The following PDZD2 variants were observed in gnomAD, a reference collection of about 807,000 sequenced individuals.
PDZD2 encodes the protein PDZ domain containing 2.
A neutral mutation model predicts 220.7 loss-of-function variants in PDZD2; 90 were observed. The ratio of observed to expected loss-of-function variants is 0.41; its 90% confidence interval spans 0.34 to 0.49. The LOEUF (loss-of-function observed/expected upper bound fraction) is 0.49. PDZD2 is among the 20% of genes least tolerant of loss of function. The pLI is 0.28. For synonymous variants in PDZD2, 1,375 were observed against 1,450.5 expected, an observed-to-expected ratio of 0.95 and a Z score of 1.18; for missense variants, 3,174 against 3,608.5, an observed-to-expected ratio of 0.88 and a Z score of 3.08.
intron 1 of PDZD2, among the ~76,000 whole-genome samples, chr5:31,682,265 C>T (rs937653309): frequency 6.6e-6 from 1 of 152,072 alleles, no homozygotes. Flanking sequence ...TGGACACTCT[C>T]GTGTCTGTGG....
intron 8 of PDZD2, among the ~76,000 whole-genome samples, chr5:32,050,478 C>A (rs1192043440): frequency 6.6e-6 from 1 of 151,968 alleles, no homozygotes; most frequent in Admixed American, 6.6e-5. Flanking sequence ...ATTTTCTGCC[C>A]TTTTTCTCCC....
chr5:31,946,891 A>G (rs962082449), intron 2 of PDZD2, among the ~76,000 whole-genome samples: 6 of 152,190 alleles, frequency 3.9e-5, no homozygotes, highest in African/African-American at 1.2e-4. Flanking sequence ...TTGTAGAGAC[A>G]TGGGTCTTAA....
intron 1 of PDZD2, among the ~76,000 whole-genome samples, chr5:31,722,586 C>G (rs1283578560): frequency 6.6e-6 from 1 of 152,102 alleles, no homozygotes; most frequent in Non-Finnish European, 1.5e-5. Flanking sequence ...TATAAAAATG[C>G]CTTTTTAGAA....
At chr5:31,869,424 G>A (rs4380678) in intron 2 of PDZD2, among the ~76,000 whole-genome samples, 85,904 of 151,996 alleles carry the variant, frequency 0.57, 25,420 homozygotes, top group East Asian at 0.85. Context: ...TTAGCCGGGC[G>A]TGGTGGCGGG....
intron 2 of PDZD2, among the ~76,000 whole-genome samples, chr5:31,825,660 G>C (rs957257331): frequency 5.3e-5 from 8 of 152,168 alleles, no homozygotes; most frequent in Admixed American, 1.3e-4. Flanking sequence ...TGTCAGCACA[G>C]TTGAATTCCC....
At position 31,748,607 on chromosome 5, in the gene PDZD2, A is replaced by G. The variant is rs144266980; in HGVS notation, c.-360-50282A>G. Among the ~76,000 whole-genome samples the G allele has an allele frequency of 8.7e-3, 1,321 of 152,324 alleles. 18 individuals carry two copies. The highest frequency in any genetic ancestry group is 0.03 in the African/African-American group (1,237 of 41,578). On this transcript the variant is annotated intron_variant, in intron 1 of 24. Transcript: ENST00000438447. ...CTCTCCTGCTGCCTGCCTTCTGGCC[A>G]TCCTTCTGGGAAAGGCTGTTCCCTG...
intron 2 of PDZD2, among the ~76,000 whole-genome samples, chr5:31,891,262 G>A (rs1741014050): frequency 6.7e-6 from 1 of 150,230 alleles, no homozygotes; most frequent in Non-Finnish European, 1.5e-5. Flanking sequence ...TCAGCCTCCT[G>A]AGTAGCTGGG....
intron 1 of PDZD2, among the ~76,000 whole-genome samples, chr5:31,776,875 T>A (rs914593977): frequency 6.6e-6 from 1 of 151,728 alleles, no homozygotes; most frequent in Non-Finnish European, 1.5e-5. Flanking sequence ...GCCAGGCTGG[T>A]CTTGAATCCC....
chr5:31,833,836 C>T (rs964411781), intron 2 of PDZD2, among the ~76,000 whole-genome samples: 1 of 152,174 alleles, frequency 6.6e-6, no homozygotes, highest in Admixed American at 6.5e-5. Context: ...GACCTAGGCT[C>T]CGACTCCCCT....
chr5:31,779,373 C>CTTT lies in PDZD2; in HGVS notation c.-360-19498_-360-19496dup, dbSNP rs58290929. Among the ~76,000 whole-genome samples, 368 of 106,630 alleles carry CTTT rather than the reference C, an allele frequency of 3.5e-3. 12 individuals carry two copies. Among genetic ancestry groups the CTTT allele is most frequent in the Middle Eastern group, 6.0e-3 (1 of 168 alleles). 70.0% of individuals were successfully genotyped at this position (106,630 alleles called of 152,430 possible). ...CTGTCCCTAGGAAAATTGTGAATCT[C>CTTT]TTTTTTTTTTTTTTTTTTTTGAGAT... On this transcript the variant is annotated intron_variant, in intron 1 of 24. Coordinates refer to ENST00000438447, the MANE Select transcript of PDZD2 (RefSeq NM_178140.4).
At chr5:31,829,061 G>A (rs1286973563) in intron 2 of PDZD2, among the ~76,000 whole-genome samples, 1 of 152,214 alleles carries the variant, frequency 6.6e-6, no homozygotes, top group East Asian at 1.9e-4. Context: ...GACAGGTCAA[G>A]TAATAACAAT....
At chr5:31,750,311 C>A (rs1454428728) in intron 1 of PDZD2, among the ~76,000 whole-genome samples, 1 of 152,196 alleles carries the variant, frequency 6.6e-6, no homozygotes, top group Non-Finnish European at 1.5e-5. Flanking sequence ...TGCTTCAGCT[C>A]CCCTGTACAT....
intron 1 of PDZD2, among the ~76,000 whole-genome samples, chr5:31,794,403 T>C (rs1753896940): frequency 6.9e-6 from 1 of 145,736 alleles, no homozygotes; most frequent in South Asian, 2.2e-4. Flanking sequence ...CTTTTTTTTT[T>C]TTTTTTTTTT....
At position 31,775,684 on chromosome 5, in the gene PDZD2, T is replaced by TGTGTGTGA. The variant is rs1554073343; in HGVS notation, c.-360-23198_-360-23197insAGTGTGTG. ...CAGAGCGTGTGTGTGTGTGTGTGTGTGTGTGTGTGTGTGTGTGTGTGTAGT... is the reference window on the plus strand; with the variant it reads ...CAGAGCGTGTGTGTGTGTGTGTGTGTGTGTGTGAGTGTGTGTGTGTGTGTGTGTGTAGT... On this transcript the variant is annotated intron_variant, in intron 1 of 24. Transcript: ENST00000438447. Among the ~76,000 whole-genome samples, 412 of 151,308 alleles carry TGTGTGTGA rather than the reference T, an allele frequency of 2.7e-3. 3 individuals carry two copies. The highest frequency in any genetic ancestry group is 8.8e-3 in the African/African-American group (361 of 41,134).
chr5:31,881,371 TATA>T (rs1467613013), intron 2 of PDZD2, among the ~76,000 whole-genome samples: 27 of 117,904 alleles, frequency 2.3e-4, no homozygotes, highest in African/African-American at 7.6e-4. Context: ...TGTGTGTGTA[TATA>T]TTTTTTTTTT....
intron 2 of PDZD2, among the ~76,000 whole-genome samples, chr5:31,895,786 C>G (rs927466397): frequency 6.6e-6 from 1 of 152,152 alleles, no homozygotes; most frequent in Non-Finnish European, 1.5e-5. Flanking sequence ...TGCTCCCACC[C>G]CTTCCAAAAG....
intron 2 of PDZD2, among the ~76,000 whole-genome samples, chr5:31,844,568 G>A (rs933374556): frequency 2.6e-5 from 4 of 152,186 alleles, no homozygotes; most frequent in Admixed American, 6.5e-5. Context: ...AAAATTCCAT[G>A]TGATTTTTGG....
At chr5:31,996,197 A>T (rs1465210428) in intron 4 of PDZD2, among the ~76,000 whole-genome samples, 1 of 152,198 alleles carries the variant, frequency 6.6e-6, no homozygotes, top group Non-Finnish European at 1.5e-5. Context: ...ACTTAGATAT[A>T]TGTATCTCTG....
At chr5:31,769,519 G>T (rs1405854013) in intron 1 of PDZD2, among the ~76,000 whole-genome samples, 2 of 152,238 alleles carry the variant, frequency 1.3e-5, no homozygotes, top group African/African-American at 4.8e-5. Context: ...GGTAAAAATA[G>T]TGGAGGAAAG....
Sources: allele counts gnomAD v4.1 joint callset (sites outside exome capture counted in the v4.1 genomes callset), GRCh38; gene constraint gnomAD v4.1.1; transcripts MANE v1.5; gene names NCBI Gene and HGNC (gene_info 2026-07-23, HGNC 2026-07-21).